The following NKAIN2 variants were observed in gnomAD, a reference collection of about 807,000 sequenced individuals.
NKAIN2 encodes sodium/potassium transporting ATPase interacting 2, also known as sodium/potassium-transporting ATPase subunit beta-1-interacting protein 2.
Under a neutral mutation model 32.6 loss-of-function variants are expected in NKAIN2, and 14 were observed. The observed-to-expected ratio is 0.43, with a 90% CI of 0.28 to 0.67. The LOEUF is 0.67. Among genes scored for constraint, NKAIN2 ranks in the 30% least tolerant of loss-of-function variants. NKAIN2 has a pLI of 0.17. For missense variants in NKAIN2, 198 were observed against 258.3 expected, an observed-to-expected ratio of 0.77 and a Z score of 1.60; for synonymous variants, 80 against 87.2, an observed-to-expected ratio of 0.92 and a Z score of 0.46.
chr6:124,138,552 A>G (rs1284116121), intron 1 of NKAIN2, among the ~76,000 whole-genome samples: 1 of 150,294 alleles, frequency 6.7e-6, no homozygotes, highest in Non-Finnish European at 1.5e-5. Flanking sequence ...TGTTTATAGC[A>G]GCACAATTTG....
chr6:123,977,959 G>T (rs1778714027), intron 1 of NKAIN2, among the ~76,000 whole-genome samples: 1 of 152,084 alleles, frequency 6.6e-6, no homozygotes. Context: ...TGAGGAGGAA[G>T]ATACAAAGCT....
At chr6:124,297,469 G>A (rs1366895658) in intron 2 of NKAIN2, among the ~76,000 whole-genome samples, 1 of 152,018 alleles carries the variant, frequency 6.6e-6, no homozygotes, top group East Asian at 1.9e-4. Context: ...AGAAGGGTTG[G>A]TCTTGGTGTC....
chr6:124,653,962 A>G (rs1784452880), intron 3 of NKAIN2, among the ~76,000 whole-genome samples: 1 of 152,178 alleles, frequency 6.6e-6, no homozygotes, highest in South Asian at 2.1e-4. Context: ...TAGTCTCAAC[A>G]TCGTATGTCA....
chr6:124,078,781 C>T (rs1009656331), intron 1 of NKAIN2, among the ~76,000 whole-genome samples: 4 of 122,334 alleles, frequency 3.3e-5, no homozygotes, highest in Non-Finnish European at 6.9e-5. Flanking sequence ...ATGGCTATGT[C>T]GTTTTTGTGT....
intron 3 of NKAIN2, among the ~76,000 whole-genome samples, chr6:124,396,486 C>G (rs758999332): frequency 2.0e-5 from 3 of 149,534 alleles, no homozygotes; most frequent in Non-Finnish European, 4.4e-5. Context: ...AAAAGTCTGT[C>G]ACCTAGATTT....
intron 3 of NKAIN2, among the ~76,000 whole-genome samples, chr6:124,495,996 T>C (rs574575011): frequency 6.6e-6 from 1 of 152,252 alleles, no homozygotes; most frequent in South Asian, 2.1e-4. Context: ...GACAAGTCTC[T>C]CTGCATGAAA....
chr6:124,629,414 C>G (rs1453991600), intron 3 of NKAIN2, among the ~76,000 whole-genome samples: 1 of 152,136 alleles, frequency 6.6e-6, no homozygotes, highest in Non-Finnish European at 1.5e-5. Context: ...TTGGAATCCA[C>G]TAGCCCCCAG....
At chr6:124,182,260 C>T (rs755395034) in intron 1 of NKAIN2, among the ~76,000 whole-genome samples, 1 of 152,114 alleles carries the variant, frequency 6.6e-6, no homozygotes, top group African/African-American at 2.4e-5. Flanking sequence ...TCTCCCATGA[C>T]ATGTGGGAAT....
intron 1 of NKAIN2, among the ~76,000 whole-genome samples, chr6:124,206,351 G>A (rs1189888644): frequency 6.6e-6 from 1 of 151,836 alleles, no homozygotes; most frequent in African/African-American, 2.4e-5. Flanking sequence ...CATAAAACAA[G>A]CCTGAGAGTG....
chr6:124,183,613 C>A (rs1562407366), intron 1 of NKAIN2, among the ~76,000 whole-genome samples: 1 of 151,734 alleles, frequency 6.6e-6, no homozygotes, highest in Non-Finnish European at 1.5e-5. Context: ...GAGAAAAAAA[C>A]ACTCTTTTTT....
At chr6:124,647,055 C>T (rs1183246878) in intron 3 of NKAIN2, among the ~76,000 whole-genome samples, 1 of 151,496 alleles carries the variant, frequency 6.6e-6, no homozygotes, top group Admixed American at 6.6e-5. Context: ...TGTCTTAAAA[C>T]CTAAAAAATA....
intron 3 of NKAIN2, among the ~76,000 whole-genome samples, chr6:124,593,205 T>TTGTG (rs10526889): frequency 0.022 from 3,309 of 149,960 alleles, 95 homozygotes; most frequent in African/African-American, 0.065. Flanking sequence ...GATGAGAGTT[T>TTGTG]TGTGTGTGTG....
intron 1 of NKAIN2, among the ~76,000 whole-genome samples, chr6:124,183,870 A>AT: frequency 6.6e-6 from 1 of 152,258 alleles, no homozygotes; most frequent in Non-Finnish European, 1.5e-5. Flanking sequence ...ACAGAAGATG[A>AT]TTTTTTAAAA....
At chr6:124,174,211 A>G (rs1476647687) in intron 1 of NKAIN2, among the ~76,000 whole-genome samples, 11 of 152,158 alleles carry the variant, frequency 7.2e-5, no homozygotes, top group African/African-American at 2.7e-4. Flanking sequence ...ACTCCCACCA[A>G]ACAGCAGTAG....
chr6:124,803,556 T>G (rs1429377904), intron 5 of NKAIN2, among the ~76,000 whole-genome samples: 1 of 152,204 alleles, frequency 6.6e-6, no homozygotes, highest in Non-Finnish European at 1.5e-5. Context: ...TCTATGTAAT[T>G]TTTTAAACAT....
At chr6:124,418,558 T>C (rs1324503416) in intron 3 of NKAIN2, among the ~76,000 whole-genome samples, 1 of 138,596 alleles carries the variant, frequency 7.2e-6, no homozygotes, top group African/African-American at 3.1e-5. Context: ...ATTATATATA[T>C]AAAATATATA....
intron 1 of NKAIN2, among the ~76,000 whole-genome samples, chr6:123,872,658 C>T (rs1458941588): frequency 6.6e-6 from 1 of 152,172 alleles, no homozygotes; most frequent in Non-Finnish European, 1.5e-5. Flanking sequence ...CACTACGGCT[C>T]ACACAAAGAT....
intron 1 of NKAIN2, among the ~76,000 whole-genome samples, chr6:123,899,935 C>T (rs73551368): frequency 0.042 from 6,442 of 152,106 alleles, 450 homozygotes; most frequent in African/African-American, 0.15. Context: ...AGAACTGAGC[C>T]GAGCACGGGA....
At chr6:124,274,253 G>T (rs969518423) in intron 1 of NKAIN2, among the ~76,000 whole-genome samples, 1 of 152,128 alleles carries the variant, frequency 6.6e-6, no homozygotes, top group Non-Finnish European at 1.5e-5. Flanking sequence ...AGTCTGTACT[G>T]TGAATTGCAT....
Sources: gnomAD v4.1 joint callset for allele counts (sites outside exome capture counted in the v4.1 genomes callset) on GRCh38, gnomAD v4.1.1 for gene constraint, MANE v1.5 for transcripts, NCBI Gene and HGNC (gene_info 2026-07-23, HGNC 2026-07-21) for gene names.